The following BCAS3 variants were observed in gnomAD, a reference collection of about 807,000 sequenced individuals.
BCAS3 encodes the protein BCAS3 microtubule associated cell migration factor.
BCAS3 carries 53 observed loss-of-function variants against 116.1 expected under a neutral mutation model. That is an observed-to-expected ratio of 0.46 (90% CI 0.37 to 0.57). The LOEUF is 0.57. Among genes scored for constraint, BCAS3 ranks in the 20% least tolerant of loss-of-function variants. The pLI, the probability that BCAS3 is intolerant of heterozygous loss-of-function variation, is 0.00. For synonymous variants in BCAS3, 391 were observed against 408.2 expected (o/e 0.96, Z 0.51); for missense variants, 917 against 1,165.4 (o/e 0.79, Z 3.10).
chr17:60,931,707 C>T (rs2059655002), intron 13 of BCAS3, among the ~76,000 whole-genome samples: 1 of 152,114 alleles, frequency 6.6e-6, no homozygotes, highest in Non-Finnish European at 1.5e-5. Flanking sequence ...ATTGGGCAAG[C>T]TAGTTAATCT....
intron 14 of BCAS3, among the ~76,000 whole-genome samples, chr17:60,953,532 T>C (rs1472702757): frequency 6.6e-6 from 1 of 152,170 alleles, no homozygotes; most frequent in Non-Finnish European, 1.5e-5. Context: ...TTTACTATGT[T>C]GATTGTTTCT....
At chr17:60,792,924 T>C (rs1480728427) in intron 6 of BCAS3, among the ~76,000 whole-genome samples, 2 of 152,154 alleles carry the variant, frequency 1.3e-5, no homozygotes, top group Non-Finnish European at 2.9e-5. Context: ...TTTTTTTATT[T>C]TTATTTTTTC....
At chr17:60,894,166 TGGCC>T (rs1432824222) in intron 10 of BCAS3, among the ~76,000 whole-genome samples, 4 of 152,170 alleles carry the variant, frequency 2.6e-5, no homozygotes, top group Admixed American at 1.3e-4. Context: ...TAGATTTCTC[TGGCC>T]AGTATGGTCA....
At chr17:61,010,048 C>T in intron 15 of BCAS3, among the ~76,000 whole-genome samples, 1 of 148,722 alleles carries the variant, frequency 6.7e-6, no homozygotes. Context: ...TTTCTTTTGT[C>T]CGGAGTTTTC....
At chr17:60,853,929 C>T (rs1406003464) in intron 7 of BCAS3, among the ~76,000 whole-genome samples, 1 of 151,528 alleles carries the variant, frequency 6.6e-6, no homozygotes, top group African/African-American at 2.4e-5. Context: ...ACTTTAAGTT[C>T]TAGGGTACAT....
At position 61,309,243 on chromosome 17, in the gene BCAS3, C is replaced by T. The variant is rs533883542; in HGVS notation, c.2426-59084C>T. Among the ~76,000 whole-genome samples, 1 of 152,326 alleles carries T rather than the reference C, an allele frequency of 6.6e-6. No individual in the cohort carries two copies. Among genetic ancestry groups the T allele is most frequent in the African/African-American group, 2.4e-5 (1 of 41,578 alleles). On this transcript the variant is annotated intron_variant, in intron 22 of 23. Transcript: ENST00000407086. The surrounding 1 kb of genome is among the most constrained non-coding windows in gnomAD (Gnocchi z 4.6). ...GATAACTCTCTACGTGATTTGCAAA[C>T]ACCTCAAAATTGTCAAGATGGAAAA...
At position 61,063,121 on chromosome 17, in the gene BCAS3, C is replaced by G. The variant is rs1354273773; in HGVS notation, c.2030-11799C>G. ...AAACTGCCTCAAGCATCCTAAAAAA[C>G]TGTTGCCGTGACCTTTGCTCTTGCC... On this transcript the variant is annotated intron_variant, in intron 19 of 23. Transcript: ENST00000407086. This position sits in a 1 kb window ranked among gnomAD's most constrained non-coding sequence, Gnocchi z 5.3. Among the ~76,000 whole-genome samples, 1 of 152,210 alleles carries G rather than the reference C, an allele frequency of 6.6e-6. No individual in the cohort carries two copies. The highest frequency in any genetic ancestry group is 2.4e-5 in the African/African-American group (1 of 41,454).
chr17:60,965,762 G>A (rs923203738), intron 14 of BCAS3, among the ~76,000 whole-genome samples: 1 of 152,194 alleles, frequency 6.6e-6, no homozygotes, highest in African/African-American at 2.4e-5. Flanking sequence ...TATGACCTAA[G>A]ATATGGTCTC....
At chr17:60,742,524 C>T (rs1470703388) in intron 5 of BCAS3, among the ~76,000 whole-genome samples, 2 of 150,226 alleles carry the variant, frequency 1.3e-5, no homozygotes, top group African/African-American at 2.5e-5. Flanking sequence ...CTTCCGCCTC[C>T]TGGGTTCAAG....
Position 61,344,339 on chromosome 17 carries a change from G to A in BCAS3, c.2426-23988G>A, listed in dbSNP as rs1296078265. The stretch of plus-strand genomic sequence containing the variant: ...TGGGCCTCTTCAACCAAGTCTCTGG[G>A]TCTTCTTGTCAAGACTAATTTCCTT... On this transcript the variant is annotated intron_variant, in intron 22 of 23. Transcript: ENST00000407086. The surrounding 1 kb of genome is among the most constrained non-coding windows in gnomAD (Gnocchi z 4.1). 1.3e-5 allele frequency among the ~76,000 whole-genome samples: 2 copies of A among 152,034 alleles called. No homozygotes were observed. Among genetic ancestry groups the A allele is most frequent in the African/African-American group, 4.8e-5 (2 of 41,392 alleles).
At chr17:60,853,848 CT>C (rs1387021825) in intron 7 of BCAS3, among the ~76,000 whole-genome samples, 3 of 151,802 alleles carry the variant, frequency 2.0e-5, no homozygotes, top group Non-Finnish European at 2.9e-5. Context: ...CACCTCATTC[CT>C]TTTTATTGCT....
At chr17:60,798,654 C>G (rs894945596) in intron 6 of BCAS3, among the ~76,000 whole-genome samples, 5 of 152,198 alleles carry the variant, frequency 3.3e-5, no homozygotes, top group Admixed American at 1.3e-4. Context: ...ACATTGTGTG[C>G]AGGTTTTTGT....
At position 61,078,380 on chromosome 17, in the gene BCAS3, T is replaced by A. The variant is rs1311538857; in HGVS notation, c.2178T>A (p.Gly726=). ...HTGPHRRLWM[G]PQFQFKTIHP... ...GACCCCATAGACGTCTGTGGATGGGTCCACAGTTCCAGTTCAAAACCATCC... is the reference window on the plus strand; with the variant it reads ...GACCCCATAGACGTCTGTGGATGGGACCACAGTTCCAGTTCAAAACCATCC... Residue 726 remains glycine, a synonymous_variant, in exon 21 of 24, where the codon GGT becomes GGA. Coordinates refer to ENST00000407086, the MANE Select transcript of BCAS3 (RefSeq NM_017679.5). 13 of 1,613,990 alleles carry A rather than the reference T, an allele frequency of 8.1e-6. No individual in the cohort carries two copies. Among genetic ancestry groups the A allele is most frequent in the Non-Finnish European group, 1.1e-5 (13 of 1,180,014 alleles).
At chr17:61,149,116 G>A (rs1480831455) in intron 22 of BCAS3, among the ~76,000 whole-genome samples, 2 of 150,600 alleles carry the variant, frequency 1.3e-5, no homozygotes, top group African/African-American at 4.9e-5. Flanking sequence ...AAATATTAGT[G>A]GCAATTTTAC....
At chr17:61,296,124 C>T (rs1188900726) in intron 22 of BCAS3, among the ~76,000 whole-genome samples, 1 of 152,168 alleles carries the variant, frequency 6.6e-6, no homozygotes, top group Admixed American at 6.5e-5. Context: ...TCCAAAATTT[C>T]TTCCTAGCGA....
At position 61,004,448 on chromosome 17, in the gene BCAS3, TTTGAATGA is replaced by T. The variant is rs1202826158; in HGVS notation, c.1487-11298_1487-11291del. 6.6e-6 allele frequency among the ~76,000 whole-genome samples: 1 copy of T among 151,196 alleles called. No homozygotes were observed. Among genetic ancestry groups the T allele is most frequent in the Non-Finnish European group, 1.5e-5 (1 of 67,772 alleles). On this transcript the variant is annotated intron_variant, in intron 15 of 23. Coordinates refer to ENST00000407086, the MANE Select transcript of BCAS3 (RefSeq NM_017679.5). This position sits in a 1 kb window ranked among gnomAD's most constrained non-coding sequence, Gnocchi z 4.8. ...TTCTTAGGATTTGTAGTAGCCAGAGTTTGAATGATTGACCCATATGAACAGATTTAGAA... is the reference window on the plus strand; with the variant it reads ...TTCTTAGGATTTGTAGTAGCCAGAGTTTGACCCATATGAACAGATTTAGAA...
chr17:61,351,328 A>T (rs138735105), intron 22 of BCAS3, among the ~76,000 whole-genome samples: 1 of 152,216 alleles, frequency 6.6e-6, no homozygotes, highest in Non-Finnish European at 1.5e-5. Context: ...CAAGAAGCCA[A>T]ACAGCATGGG....
Position 61,333,834 on chromosome 17 carries a change from G to A in BCAS3, c.2426-34493G>A, listed in dbSNP as rs571841778. Reference sequence around the variant, plus strand: ...GGGGTTTCACCATGTTGGCCAAGCCGGTCTCAAACTCCTTACCTCAAGTGA... The same window carrying A: ...GGGGTTTCACCATGTTGGCCAAGCCAGTCTCAAACTCCTTACCTCAAGTGA... On this transcript the variant is annotated intron_variant, in intron 22 of 23. Transcript: ENST00000407086. The surrounding 1 kb of genome is among the most constrained non-coding windows in gnomAD (Gnocchi z 4.8). Among the ~76,000 whole-genome samples the A allele has an allele frequency of 2.4e-4, 37 of 151,936 alleles. No homozygotes were observed. Among genetic ancestry groups the A allele is most frequent in the Non-Finnish European group, 4.3e-4 (29 of 67,986 alleles).
At chr17:61,360,178 A>G (rs1043456617) in intron 22 of BCAS3, among the ~76,000 whole-genome samples, 2 of 151,544 alleles carry the variant, frequency 1.3e-5, no homozygotes, top group Admixed American at 6.6e-5. Flanking sequence ...TAATTTTTAT[A>G]TTTTTTAGTA....
Sources: gnomAD v4.1 joint callset for allele counts (sites outside exome capture counted in the v4.1 genomes callset) on GRCh38, gnomAD v4.1.1 for gene constraint, Gnocchi (gnomAD v3.1) non-coding constraint, MANE v1.5 for transcripts, NCBI Gene and HGNC (gene_info 2026-07-23, HGNC 2026-07-21) for gene names.